Variants in USH2A observed in about 807,000 individuals in gnomAD.
The protein encoded by USH2A is Usher syndrome 2A (autosomal recessive, mild).
USH2A carries 443 observed loss-of-function variants against 538.9 expected under a neutral mutation model. The ratio of observed to expected loss-of-function variants is 0.82; its 90% CI spans 0.76 to 0.89. The LOEUF (loss-of-function observed/expected upper bound fraction) is 0.89, where lower values mean the gene tolerates loss of function less well. Ranked by LOEUF, USH2A falls within the 40% of genes least tolerant of loss-of-function variation. USH2A has a pLI of 0.00. For missense variants in USH2A, 6,633 were observed against 6,324.8 expected, an observed-to-expected ratio of 1.05 and a Z score of -1.65; for synonymous variants, 2,413 against 2,273.5, an observed-to-expected ratio of 1.06 and a Z score of -1.75.
At chr1:215,992,491 GTATAAA>G (rs1240997421) in intron 35 of USH2A, among the ~76,000 whole-genome samples, 3 of 152,040 alleles carry the variant, frequency 2.0e-5, no homozygotes, top group African/African-American at 4.8e-5. Context: ...AGCTAAATAT[GTATAAA>G]TATATGTATG....
chr1:216,339,004 A>C (rs892708438), intron 4 of USH2A, among the ~76,000 whole-genome samples: 2 of 151,614 alleles, frequency 1.3e-5, no homozygotes, highest in Non-Finnish European at 3.0e-5. Flanking sequence ...GAAGCCTATG[A>C]TACCTTTCAC....
intron 4 of USH2A, among the ~76,000 whole-genome samples, chr1:216,361,561 T>C (rs1257782140): frequency 6.6e-6 from 1 of 152,004 alleles, no homozygotes; most frequent in African/African-American, 2.4e-5. Flanking sequence ...TTAAGAAAAA[T>C]ACAAACTGTC....
chr1:216,400,627 C>A (rs1022682235), intron 3 of USH2A, among the ~76,000 whole-genome samples: 2 of 152,082 alleles, frequency 1.3e-5, no homozygotes, highest in African/African-American at 4.8e-5. Flanking sequence ...GAAACTCATG[C>A]TAGGGCTTTC....
At chr1:215,642,797 G>A (rs1231829507) in intron 67 of USH2A, among the ~76,000 whole-genome samples, 1 of 151,952 alleles carries the variant, frequency 6.6e-6, no homozygotes, top group Admixed American at 6.6e-5. Context: ...TCACACCATG[G>A]AAACTGATAA....
At chr1:216,138,004 TCTA>T (rs1218571804) in intron 21 of USH2A, among the ~76,000 whole-genome samples, 1 of 152,220 alleles carries the variant, frequency 6.6e-6, no homozygotes, top group Non-Finnish European at 1.5e-5. Flanking sequence ...AGGAGTCAAA[TCTA>T]CTAACAATTT....
rs765505697 is a variant in USH2A, at chr1:216,046,432, T to A, written c.6324A>T (p.Thr2108=). 1.9e-6 allele frequency: 3 copies of A among 1,613,508 alleles called. No individual in the cohort carries two copies. The highest frequency in any genetic ancestry group is 8.5e-7 in the Non-Finnish European group (1 of 1,179,518). The change falls in exon 32 of 72, where the codon ACA becomes ACT. Residue 2108 remains threonine (T), a splice_region_variant and synonymous_variant. Coordinates refer to ENST00000307340, the MANE Select transcript of USH2A (RefSeq NM_206933.4). ...YSGSEENYIV[T]DLAVFTPHQF... is the part of the protein sequence containing the mutation. Reference sequence around the variant, plus strand: ...CGCTGATAACTCTAGAGGTCTTACCTGTGACTATGTAGTTCTCCTCACTGC... The same window carrying A: ...CGCTGATAACTCTAGAGGTCTTACCAGTGACTATGTAGTTCTCCTCACTGC...
intron 19 of USH2A, 94 bp downstream of exon 19, chr1:216,196,459 G>T: frequency 7.1e-7 from 1 of 1,411,520 alleles, no homozygotes; most frequent in East Asian, 2.3e-5. Flanking sequence ...CAATATAGAG[G>T]GAGAATTCTG....
chr1:215,912,377 A>G (rs538126294), intron 38 of USH2A, among the ~76,000 whole-genome samples: 19 of 151,182 alleles, frequency 1.3e-4, no homozygotes, highest in Non-Finnish European at 2.4e-4. Context: ...ATTTTTGTAC[A>G]TGGTGAGAGA....
intron 47 of USH2A, 78 bp from the exon 48 acceptor site, chr1:215,817,273 G>T (rs745464679): frequency 1.9e-4 from 223 of 1,178,248 alleles, no homozygotes; most frequent in Non-Finnish European, 2.5e-4. Flanking sequence ...GTAAAAAGTG[G>T]CAGCAATAGA....
chr1:216,052,065 G>A (rs1194745655), intron 30 of USH2A, among the ~76,000 whole-genome samples: 2 of 152,124 alleles, frequency 1.3e-5, no homozygotes, highest in Non-Finnish European at 2.9e-5. Flanking sequence ...GTTACGTTGT[G>A]TATAACATGT....
At chr1:215,801,436 C>T (rs1370144603) in intron 49 of USH2A, among the ~76,000 whole-genome samples, 1 of 148,416 alleles carries the variant, frequency 6.7e-6, no homozygotes, top group Non-Finnish European at 1.5e-5. Context: ...AACAATTCAG[C>T]ACAGTATCAA....
intron 9 of USH2A, among the ~76,000 whole-genome samples, chr1:216,309,891 A>T (rs2037387972): frequency 6.6e-6 from 1 of 152,116 alleles, no homozygotes; most frequent in Non-Finnish European, 1.5e-5. Context: ...ACCTGAGATA[A>T]ATCCCTCTTG....
At chr1:215,723,636 T>G (rs932796883) in intron 61 of USH2A, among the ~76,000 whole-genome samples, 2 of 152,216 alleles carry the variant, frequency 1.3e-5, no homozygotes, top group African/African-American at 4.8e-5. Context: ...CTGTGCCTCA[T>G]TAATGGAGAA....
intron 47 of USH2A, among the ~76,000 whole-genome samples, chr1:215,821,968 T>C (rs916122663): frequency 1.3e-5 from 2 of 151,986 alleles, no homozygotes; most frequent in African/African-American, 4.8e-5. Flanking sequence ...TCTATTCTAT[T>C]CCATTGGTTT....
At chr1:216,103,226 C>T (rs547759939) in intron 21 of USH2A, among the ~76,000 whole-genome samples, 1 of 152,330 alleles carries the variant, frequency 6.6e-6, no homozygotes, top group South Asian at 2.1e-4. Flanking sequence ...CTATTTTGTA[C>T]TGTGGGTGCT....
At chr1:216,311,348 G>T (rs2037416523) in intron 9 of USH2A, among the ~76,000 whole-genome samples, 1 of 152,162 alleles carries the variant, frequency 6.6e-6, no homozygotes, top group African/African-American at 2.4e-5. Flanking sequence ...TTTTTCCAGT[G>T]TAGAAAAAAG....
In USH2A at chr1:215,859,690, G is replaced by A. The variant is rs958950034; in HGVS notation, c.8845+7317C>T. 3.3e-5 allele frequency among the ~76,000 whole-genome samples: 5 copies of A among 152,292 alleles called. No individual in the cohort carries two copies. The South Asian group carries it at 1.0e-3, about 32-fold the overall frequency. On this transcript the variant is annotated intron_variant, in intron 44 of 71. Transcript: ENST00000307340. ...GGAACCAATCGCCTGCATATACCAA[G>A]GGATGACTGTATTTCTTTAGAGGCC...
chr1:216,322,724 G>A (rs932159966), intron 8 of USH2A, among the ~76,000 whole-genome samples: 6 of 150,972 alleles, frequency 4.0e-5, no homozygotes, highest in African/African-American at 7.3e-5. Flanking sequence ...ATATTTAATA[G>A]TATTGCTTTG....
intron 32 of USH2A, among the ~76,000 whole-genome samples, chr1:216,019,866 C>T (rs1467902144): frequency 2.0e-5 from 3 of 152,040 alleles, no homozygotes; most frequent in East Asian, 3.9e-4. Context: ...AAATAAATAT[C>T]CTATTAGAAT....
Sources: allele counts gnomAD v4.1 joint callset (sites outside exome capture counted in the v4.1 genomes callset), GRCh38; gene constraint gnomAD v4.1.1; transcripts MANE v1.5; gene names NCBI Gene and HGNC (gene_info 2026-07-23, HGNC 2026-07-21).